PDE7B: variants seen among roughly 807,000 people sequenced by gnomAD.
The protein encoded by PDE7B is 3',5'-cyclic-AMP phosphodiesterase 7B.
Under a neutral mutation model 56.2 loss-of-function variants are expected in PDE7B, and 29 were observed. The observed-to-expected ratio is 0.52, with a 90% CI of 0.38 to 0.70. The LOEUF (loss-of-function observed/expected upper bound fraction) is 0.70. Among genes scored for constraint, PDE7B ranks in the 30% least tolerant of loss-of-function variants. PDE7B has a pLI of 0.00. For missense variants in PDE7B, 490 were observed against 565.0 expected (o/e 0.87, Z 1.35); for synonymous variants, 197 against 196.9 (o/e 1.00, Z 0.00).
At chr6:136,042,965 A>G (rs549739740) in intron 2 of PDE7B, among the ~76,000 whole-genome samples, 1 of 152,354 alleles carries the variant, frequency 6.6e-6, no homozygotes, top group Admixed American at 6.5e-5. Context: ...TTGTTAGTTT[A>G]AACCTGTCAA....
rs138263320 is a variant in PDE7B, at chr6:135,869,989, T to C, written c.21+17970T>C. ...GAAATTGTACTCTTCTCACAGTAAATGAGAAGCCACTGAAACCATGTAGAC... is the reference window on the plus strand; with the variant it reads ...GAAATTGTACTCTTCTCACAGTAAACGAGAAGCCACTGAAACCATGTAGAC... On this transcript the variant is annotated intron_variant, in intron 1 of 12. Coordinates refer to ENST00000308191, the MANE Select transcript of PDE7B (RefSeq NM_018945.4). Among the ~76,000 whole-genome samples, 7 of 152,160 alleles carry C rather than the reference T, an allele frequency of 4.6e-5. No homozygotes were observed. In the South Asian group the frequency reaches 1.2e-3, roughly 27 times the overall value.
chr6:136,151,290 T>C, intron 6 of PDE7B, 35 bp downstream of exon 6: 1 of 1,081,708 alleles, frequency 9.2e-7, no homozygotes, highest in Non-Finnish European at 1.4e-6. Flanking sequence ...AGCCCCATTC[T>C]CTTGAATAAT....
At chr6:135,960,925 T>C (rs1165689345) in intron 2 of PDE7B, among the ~76,000 whole-genome samples, 2 of 152,218 alleles carry the variant, frequency 1.3e-5, no homozygotes, top group Non-Finnish European at 2.9e-5. Context: ...TTTGTTTCTT[T>C]TGCTATAGAA....
intron 2 of PDE7B, among the ~76,000 whole-genome samples, chr6:135,989,357 T>A (rs1775434576): frequency 6.6e-6 from 1 of 152,192 alleles, no homozygotes; most frequent in Non-Finnish European, 1.5e-5. Flanking sequence ...CTCACGCCTG[T>A]AATCCCAACA....
In PDE7B at chr6:136,173,894, T is replaced by C; in HGVS notation, c.803+6T>C. The C allele has an allele frequency of 6.3e-7, 1 of 1,598,246 alleles. No homozygotes were observed. The highest frequency in any genetic ancestry group is 2.2e-5 in the East Asian group (1 of 44,812). On this transcript the variant is annotated splice_donor_region_variant and intron_variant, in intron 9 of 12. Transcript: ENST00000308191. ...CATTTGCCAAAGGAAATGACGTAAG[T>C]GCTGCCGAGATGAAACATACTGATG...
Position 136,155,654 on chromosome 6 carries a change from A to T in PDE7B, c.607A>T (p.Ile203Phe). Reference sequence around the variant, plus strand: ...TGCCAGCTTCCTCACGCCTCTGGACATCATGCTTGGACTGCTGGCTGCAGC... The same window carrying T: ...TGCCAGCTTCCTCACGCCTCTGGACTTCATGCTTGGACTGCTGGCTGCAGC... ...KLASFLTPLD[I>F]MLGLLAAAAH... The change falls in exon 8 of 13, where the codon ATC becomes TTC. Residue 203 changes from isoleucine (I) to phenylalanine (F), a missense_variant. Transcript: ENST00000308191. 1 of 1,613,728 alleles carries T rather than the reference A, an allele frequency of 6.2e-7. No individual in the cohort carries two copies. The highest frequency in any genetic ancestry group is 1.1e-5 in the South Asian group (1 of 91,032).
chr6:136,096,480 C>CTTTT (rs201836265), intron 2 of PDE7B, among the ~76,000 whole-genome samples: 15 of 110,186 alleles, frequency 1.4e-4, no homozygotes, highest in African/African-American at 4.9e-4. Flanking sequence ...CCAATGAATG[C>CTTTT]TTTTTTTTTT....
At chr6:136,176,029 G>A (rs1202853063) in intron 9 of PDE7B, among the ~76,000 whole-genome samples, 1 of 151,920 alleles carries the variant, frequency 6.6e-6, no homozygotes, top group Non-Finnish European at 1.5e-5. Flanking sequence ...AAATTAGTAT[G>A]CATCCTTTAC....
chr6:135,949,057 C>T (rs1007513881), intron 2 of PDE7B, among the ~76,000 whole-genome samples: 1 of 151,998 alleles, frequency 6.6e-6, no homozygotes, highest in Non-Finnish European at 1.5e-5. Flanking sequence ...TAATTTTCCA[C>T]AATAACAAGA....
intron 1 of PDE7B, among the ~76,000 whole-genome samples, chr6:135,884,971 A>G (rs1046534930): frequency 6.6e-6 from 1 of 152,176 alleles, no homozygotes; most frequent in South Asian, 2.1e-4. Flanking sequence ...ATCTCACAGC[A>G]TGTCAGCGGC....
intron 3 of PDE7B, among the ~76,000 whole-genome samples, chr6:136,146,905 G>A (rs1162727147): frequency 1.3e-5 from 2 of 152,152 alleles, no homozygotes; most frequent in Non-Finnish European, 2.9e-5. Flanking sequence ...GGGTGCAGTG[G>A]CTCTCTCCTA....
rs4073748 is a variant in PDE7B at position 135,974,114 on chromosome 6, C to T, written c.82+26590C>T. On this transcript the variant is annotated intron_variant, in intron 2 of 12. Coordinates refer to ENST00000308191, the MANE Select transcript of PDE7B (RefSeq NM_018945.4). Reference sequence around the variant, plus strand: ...TTTCAGATGCCTAGAGCAAGGCTAACCAACTGTTATACACTAACTAGTAAC... The same window carrying T: ...TTTCAGATGCCTAGAGCAAGGCTAATCAACTGTTATACACTAACTAGTAAC... 7.8e-3 allele frequency among the ~76,000 whole-genome samples: 1,180 copies of T among 152,230 alleles called. 54 individuals carry two copies. The East Asian group carries it at 0.14, about 18-fold the overall frequency.
At chr6:135,942,928 CCCACG>C (rs972980486) in intron 1 of PDE7B, among the ~76,000 whole-genome samples, 2 of 152,014 alleles carry the variant, frequency 1.3e-5, no homozygotes, top group African/African-American at 4.8e-5. Flanking sequence ...CTCAGTTGGC[CCCACG>C]CCTTGGCTAT....
intron 1 of PDE7B, among the ~76,000 whole-genome samples, chr6:135,903,985 T>C (rs1776052257): frequency 6.6e-6 from 1 of 152,248 alleles, no homozygotes; most frequent in South Asian, 2.1e-4. Flanking sequence ...TTTTCCCTTT[T>C]TTATTTGAAT....
chr6:135,969,394 G>T lies in PDE7B; in HGVS notation c.82+21870G>T, dbSNP rs551180446. On this transcript the variant is annotated intron_variant, in intron 2 of 12. Transcript: ENST00000308191. ...TATGCATTTTTCTAGGGATAGCTTT[G>T]AAAGAAACTTCTCTATAATGAGGAA... 7.9e-5 allele frequency among the ~76,000 whole-genome samples: 12 copies of T among 152,144 alleles called. No homozygotes were observed. In the South Asian group the frequency reaches 1.7e-3, roughly 21 times the overall value.
intron 2 of PDE7B, among the ~76,000 whole-genome samples, chr6:135,952,406 AT>A (rs1774718971): frequency 6.6e-6 from 1 of 152,126 alleles, no homozygotes; most frequent in African/African-American, 2.4e-5. Context: ...CCTTCATCTA[AT>A]TTTAATTAAT....
At chr6:135,910,671 A>G (rs1382865463) in intron 1 of PDE7B, among the ~76,000 whole-genome samples, 1 of 152,098 alleles carries the variant, frequency 6.6e-6, no homozygotes, top group Non-Finnish European at 1.5e-5. Flanking sequence ...AATGATATCA[A>G]TCCTTCTTTA....
intron 2 of PDE7B, among the ~76,000 whole-genome samples, chr6:136,069,640 A>G (rs986696316): frequency 2.0e-5 from 3 of 152,238 alleles, no homozygotes; most frequent in African/African-American, 7.2e-5. Context: ...GGTCTTTTAA[A>G]TGAGTCATTT....
At chr6:135,878,876 A>G (rs1457334682) in intron 1 of PDE7B, among the ~76,000 whole-genome samples, 4 of 152,182 alleles carry the variant, frequency 2.6e-5, no homozygotes, top group Admixed American at 1.3e-4. Flanking sequence ...ATTGATATTC[A>G]CATGTACGTA....
Sources: allele counts gnomAD v4.1 joint callset (sites outside exome capture counted in the v4.1 genomes callset), GRCh38; gene constraint gnomAD v4.1.1; transcripts MANE v1.5; gene names NCBI Gene and HGNC (gene_info 2026-07-23, HGNC 2026-07-21).